The following STARD13 variants were observed in gnomAD, a reference collection of about 807,000 sequenced individuals.
STARD13 encodes the protein StAR related lipid transfer domain containing 13, also known as stAR-related lipid transfer protein 13.
A neutral mutation model predicts 106.4 loss-of-function variants in STARD13; 62 were observed. That is an observed-to-expected ratio of 0.58 (90% CI 0.48 to 0.72). The LOEUF (loss-of-function observed/expected upper bound fraction) is 0.72. STARD13 is among the 30% of genes least tolerant of loss of function. STARD13 has a pLI of 0.00. For missense variants in STARD13, 1,387 were observed against 1,424.0 expected (o/e 0.97, Z 0.42); for synonymous variants, 565 against 553.0 (o/e 1.02, Z -0.31).
At chr13:33,426,664 CTT>C in the STARD13 span, among the ~76,000 whole-genome samples, 1 of 152,056 alleles carries the variant, frequency 6.6e-6, no homozygotes, top group Admixed American at 6.5e-5. Context: ...ATTTATTACA[CTT>C]GAGGCATTAT....
At chr13:33,566,283 A>G in the STARD13 span, among the ~76,000 whole-genome samples, 3 of 148,408 alleles carry the variant, frequency 2.0e-5, 1 homozygote, top group East Asian at 6.0e-4. Flanking sequence ...TTGTAAATTA[A>G]ACTTTATCAT....
At chr13:33,572,869 T>C in the STARD13 span, among the ~76,000 whole-genome samples, 1 of 152,138 alleles carries the variant, frequency 6.6e-6, no homozygotes, top group Admixed American at 6.6e-5. Flanking sequence ...TGCACATAGG[T>C]TGAATGAAAA....
chr13:33,382,342 C>T, the STARD13 span, among the ~76,000 whole-genome samples: 77 of 152,284 alleles, frequency 5.1e-4, no homozygotes, highest in Non-Finnish European at 6.0e-4. Context: ...GTAACTCCTA[C>T]TCTCCACTGT....
intron 1 of STARD13, chr13:33,350,172 T>C: frequency 7.7e-7 from 1 of 1,304,104 alleles, no homozygotes; most frequent in Middle Eastern, 2.9e-4. Flanking sequence ...CGCCCCGGCC[T>C]TGGGCTCTGA....
chr13:33,314,284 T>C (rs752121552), intron 1 of STARD13, among the ~76,000 whole-genome samples: 1 of 151,982 alleles, frequency 6.6e-6, no homozygotes, highest in Non-Finnish European at 1.5e-5. Flanking sequence ...TCAGAGAAAC[T>C]CCATAGTGGG....
chr13:33,258,516 G>T (rs966002191), intron 1 of STARD13, among the ~76,000 whole-genome samples: 1 of 151,698 alleles, frequency 6.6e-6, no homozygotes, highest in African/African-American at 2.4e-5. Flanking sequence ...AGTGTGTATT[G>T]TTTGCACGCT....
the STARD13 span, among the ~76,000 whole-genome samples, chr13:33,668,110 T>C: frequency 6.6e-6 from 1 of 152,278 alleles, no homozygotes; most frequent in African/African-American, 2.4e-5. Flanking sequence ...TCTCTGAGCC[T>C]ACTCTCGTTC....
the STARD13 span, among the ~76,000 whole-genome samples, chr13:33,505,079 C>G: frequency 2.7e-4 from 41 of 152,270 alleles, no homozygotes; most frequent in South Asian, 8.1e-3. Context: ...GAGTTTACAA[C>G]CCCGTGCTTG....
chr13:33,136,573 T>A (rs9536525), intron 4 of STARD13, among the ~76,000 whole-genome samples: 49,648 of 152,142 alleles, frequency 0.33, 8,816 homozygotes, highest in Non-Finnish European at 0.41. Context: ...TTACACTGTC[T>A]TGCCCACCTT....
downstream of STARD13, among the ~76,000 whole-genome samples, chr13:33,347,307 C>T (rs2078028045): frequency 6.6e-6 from 1 of 152,178 alleles, no homozygotes; most frequent in African/African-American, 2.4e-5. Context: ...ACAATCTTGG[C>T]TCACTGTAAC....
chr13:33,507,583 C>T, the STARD13 span, among the ~76,000 whole-genome samples: 1 of 152,218 alleles, frequency 6.6e-6, no homozygotes, highest in Non-Finnish European at 1.5e-5. Flanking sequence ...TCAATAATTA[C>T]AATTGACCCT....
At chr13:33,301,315 G>A (rs1416195429) in intron 1 of STARD13, among the ~76,000 whole-genome samples, 3 of 152,180 alleles carry the variant, frequency 2.0e-5, no homozygotes, top group Non-Finnish European at 4.4e-5. Flanking sequence ...TGGAGCATGA[G>A]GACCAGTGCC....
the STARD13 span, among the ~76,000 whole-genome samples, chr13:33,465,058 C>T: frequency 1.2e-4 from 18 of 152,156 alleles, no homozygotes; most frequent in Non-Finnish European, 2.2e-4. Context: ...TTATCAAGTC[C>T]TGTCAACTGC....
At chr13:33,594,153 C>A in the STARD13 span, among the ~76,000 whole-genome samples, 5 of 152,108 alleles carry the variant, frequency 3.3e-5, no homozygotes, top group African/African-American at 1.2e-4. Context: ...GATCCTCCTG[C>A]CTCGGCCTCC....
the STARD13 span, among the ~76,000 whole-genome samples, chr13:33,503,975 A>G: frequency 6.6e-6 from 1 of 152,234 alleles, no homozygotes; most frequent in Non-Finnish European, 1.5e-5. Context: ...AAAAGAAGAC[A>G]TTTATGCAGC....
chr13:33,202,942 G>A (rs977438408), intron 1 of STARD13, among the ~76,000 whole-genome samples: 37 of 152,132 alleles, frequency 2.4e-4, no homozygotes, highest in Admixed American at 1.3e-3. Context: ...TTTGAATGAC[G>A]GGCAGAATTT....
the STARD13 span, among the ~76,000 whole-genome samples, chr13:33,585,061 C>T: frequency 1.1e-4 from 17 of 152,128 alleles, no homozygotes; most frequent in Admixed American, 8.5e-4. Flanking sequence ...TCAGGTATTT[C>T]TTTATAGCAA....
At position 33,130,371 on chromosome 13, in the gene STARD13, G is replaced by C; in HGVS notation, c.388-82C>G. 7.2e-7 allele frequency: 1 copy of C among 1,394,282 alleles called. No homozygotes were observed. Among genetic ancestry groups the C allele is most frequent in the African/African-American group, 1.4e-5 (1 of 70,988 alleles). 86.4% of individuals were successfully genotyped at this position (1,394,282 alleles called of 1,614,324 possible). ...CTGGGTGCTCTGAGGGCAGCCCTGT[G>C]TGGTCCTCCACCTCCCTCCCCTCTG... On this transcript the variant is annotated intron_variant, in intron 4 of 13. Transcript: ENST00000336934. This position sits in a 1 kb window ranked among gnomAD's most constrained non-coding sequence, Gnocchi z 4.1.
At chr13:33,514,462 T>G in the STARD13 span, among the ~76,000 whole-genome samples, 1 of 152,122 alleles carries the variant, frequency 6.6e-6, no homozygotes, top group Non-Finnish European at 1.5e-5. Context: ...CAGTTGCATC[T>G]GGCTCAGCCT....
Sources: allele counts gnomAD v4.1 joint callset (sites outside exome capture counted in the v4.1 genomes callset), GRCh38; gene constraint gnomAD v4.1.1; non-coding constraint Gnocchi (gnomAD v3.1); transcripts MANE v1.5; gene names NCBI Gene and HGNC (gene_info 2026-07-23, HGNC 2026-07-21).